USP10: variants seen among roughly 807,000 people sequenced by gnomAD.
The protein encoded by USP10 is ubiquitin specific peptidase 10, also known as ubiquitin carboxyl-terminal hydrolase 10.
A neutral mutation model predicts 84.5 loss-of-function variants in USP10; 22 were observed. The observed-to-expected ratio is 0.26, with a 90% CI of 0.19 to 0.37. USP10 has a LOEUF of 0.37. USP10 is among the 10% of genes least tolerant of loss of function. The pLI is 1.00. For missense variants in USP10, 1,019 were observed against 998.9 expected (o/e 1.02, Z -0.27); for synonymous variants, 454 against 387.6 (o/e 1.17, Z -2.01).
intron 10 of USP10, among the ~76,000 whole-genome samples, chr16:84,765,235 A>T (rs918872268): frequency 4.5e-5 from 6 of 133,356 alleles, no homozygotes; most frequent in Non-Finnish European, 6.2e-5. Flanking sequence ...AGATAAACAT[A>T]TTCCCCATCA....
chr16:84,752,250 C>T (rs1193611315), intron 4 of USP10, among the ~76,000 whole-genome samples: 1 of 152,110 alleles, frequency 6.6e-6, no homozygotes, highest in Non-Finnish European at 1.5e-5. Flanking sequence ...CTGGGGGAGG[C>T]CATCTTCCTA....
intron 4 of USP10, among the ~76,000 whole-genome samples, chr16:84,755,345 T>G (rs986889401): frequency 2.0e-5 from 3 of 151,712 alleles, no homozygotes; most frequent in African/African-American, 7.3e-5. Flanking sequence ...GAAACTTCGC[T>G]GCATCTTCCT....
intron 8 of USP10, among the ~76,000 whole-genome samples, chr16:84,761,091 T>C (rs1263511388): frequency 1.3e-5 from 2 of 152,204 alleles, no homozygotes; most frequent in African/African-American, 4.8e-5. Flanking sequence ...GCTTGGAATT[T>C]GCACTTCCCA....
At chr16:84,729,909 A>T (rs897246278) in intron 1 of USP10, among the ~76,000 whole-genome samples, 4 of 152,150 alleles carry the variant, frequency 2.6e-5, no homozygotes, top group Admixed American at 6.5e-5. Context: ...TTTTTGCGTG[A>T]CATGTTTTCA....
chr16:84,750,378 G>T (rs990410848), intron 4 of USP10, among the ~76,000 whole-genome samples: 1 of 147,020 alleles, frequency 6.8e-6, no homozygotes. Context: ...CTGCACTCCA[G>T]CCTGGGCCAC....
intron 1 of USP10, among the ~76,000 whole-genome samples, chr16:84,720,576 A>ATTGTTTTTTTTTTTTTT (rs1907651815): frequency 1.1e-5 from 1 of 88,340 alleles, no homozygotes; most frequent in Non-Finnish European, 2.0e-5. Flanking sequence ...ATGATGCCCA[A>ATTGTTTTTTTTTTTTTT]TTTTTTTTTT....
rs558787974 is a variant in USP10, at chr16:84,769,964, C to T, written c.1998+1606C>T. ...TGAAGGCTTCCAGAAAGAAGGCGGGCCAGGTGTGGTGGCTCACGCCCTTAG... is the reference window on the plus strand; with the variant it reads ...TGAAGGCTTCCAGAAAGAAGGCGGGTCAGGTGTGGTGGCTCACGCCCTTAG... On this transcript the variant is annotated intron_variant, in intron 11 of 13. Coordinates refer to ENST00000219473, the MANE Select transcript of USP10 (RefSeq NM_005153.3). 1.2e-4 allele frequency among the ~76,000 whole-genome samples: 19 copies of T among 152,236 alleles called. 1 individual carries two copies. The highest frequency in any genetic ancestry group is 4.6e-4 in the African/African-American group (19 of 41,530).
rs1213776346 is a variant in USP10 at position 84,757,396 on chromosome 16, GGTGGGGGTGTGTGTGT to G, written c.1193-1316_1193-1301del. Among the ~76,000 whole-genome samples, 1,274 of 127,418 alleles carry G rather than the reference GGTGGGGGTGTGTGTGT, an allele frequency of 1.0e-2. 11 individuals carry two copies. The highest frequency in any genetic ancestry group is 0.03 in the African/African-American group (942 of 31,918). The allele number at this position is 127,418 out of a possible 152,430, so 83.6% of individuals were successfully genotyped here. A position where few individuals can be genotyped will look rare whatever the true frequency, so the allele number is the denominator to read the frequency against. ...TTCATAGGAAGGAGGGAATGAGAGGGGTGGGGGTGTGTGTGTGTGTGTGTGTGTGTGTGTGTGTGTG... is the reference window on the plus strand; with the variant it reads ...TTCATAGGAAGGAGGGAATGAGAGGGGTGTGTGTGTGTGTGTGTGTGTGTG... On this transcript the variant is annotated intron_variant, in intron 4 of 13. Coordinates refer to ENST00000219473, the MANE Select transcript of USP10 (RefSeq NM_005153.3).
chr16:84,757,300 A>G (rs1272932983), intron 4 of USP10, among the ~76,000 whole-genome samples: 3 of 151,962 alleles, frequency 2.0e-5, no homozygotes, highest in Non-Finnish European at 4.4e-5. Context: ...GTAATATTTT[A>G]CTTTCTACAG....
In USP10 at chr16:84,733,486, C is replaced by A. The variant is rs140147479; in HGVS notation, c.73C>A (p.Pro25Thr). 6.2e-7 allele frequency: 1 copy of A among 1,608,518 alleles called. No individual in the cohort carries two copies. The highest frequency in any genetic ancestry group is 1.7e-5 in the Admixed American group (1 of 59,502). The part of the protein sequence containing the change: ...PDEFNQFFVT[P>T]RSSVELPPYS... ...TGAATTCAATCAATTCTTTGTGACT[C>A]CTCGATCTTCAGTTGAGGTAAGACA... The change falls in exon 2 of 14, where the codon CCT becomes ACT. Residue 25 changes from proline (P) to threonine (T), a missense_variant. Around this residue, in one of 2 missense-constraint regions of USP10, gnomAD observed 787 missense variants for 708.8 expected, o/e 1.11. Transcript: ENST00000219473.
At chr16:84,769,316 C>T (rs1340273078) in intron 11 of USP10, among the ~76,000 whole-genome samples, 2 of 152,126 alleles carry the variant, frequency 1.3e-5, no homozygotes, top group South Asian at 4.1e-4. Context: ...ACCCTTAGCA[C>T]CTTCGGGGTG....
At chr16:84,704,728 G>A in intron 1 of USP10, 3 of 1,505,172 alleles carry the variant, frequency 2.0e-6, no homozygotes, top group South Asian at 2.5e-5. Context: ...CTATTTTCTG[G>A]CTATTTGAAA....
intron 4 of USP10, among the ~76,000 whole-genome samples, chr16:84,754,806 C>G (rs887513207): frequency 1.3e-5 from 2 of 152,138 alleles, no homozygotes; most frequent in Non-Finnish European, 2.9e-5. Context: ...GGTCAAGCCT[C>G]CAGGCCATGC....
At chr16:84,735,484 G>C (rs928575510) in intron 2 of USP10, among the ~76,000 whole-genome samples, 1 of 152,022 alleles carries the variant, frequency 6.6e-6, no homozygotes, top group African/African-American at 2.4e-5. Flanking sequence ...GGAGGGTTTG[G>C]GCACGTTCTT....
At chr16:84,757,397 GTGGGGGT>G (rs1391231859) in intron 4 of USP10, among the ~76,000 whole-genome samples, 7 of 78,644 alleles carry the variant, frequency 8.9e-5, no homozygotes, top group South Asian at 3.9e-4. Flanking sequence ...AATGAGAGGG[GTGGGGGT>G]GTGTGTGTGT....
Position 84,744,773 on chromosome 16 carries a change from A to C in USP10, c.292A>C (p.Lys98Gln), listed in dbSNP as rs1911008291. ...PEFILGCTAS[K>Q]ITPDGITKEA... is the part of the protein sequence containing the mutation. ...ATTTATTCTCGGTTGTACAGCTTCC[A>C]AAATAACCCCTGATGGTATCACTAA... Residue 98 changes from lysine (K) to glutamine (Q), a missense_variant, in exon 4 of 14, where the codon AAA becomes CAA. Coordinates refer to ENST00000219473, the MANE Select transcript of USP10 (RefSeq NM_005153.3). The C allele has an allele frequency of 1.2e-6, 2 of 1,613,780 alleles. No individual in the cohort carries two copies. The highest frequency in any genetic ancestry group is 4.5e-5 in the East Asian group (2 of 44,888).
chr16:84,774,357 G>A (rs1460138480), intron 12 of USP10, among the ~76,000 whole-genome samples: 1 of 152,214 alleles, frequency 6.6e-6, no homozygotes, highest in Non-Finnish European at 1.5e-5. Context: ...TTGTGTCGGT[G>A]TAAGTGGTAC....
intron 1 of USP10, among the ~76,000 whole-genome samples, chr16:84,721,836 T>G (rs1292225442): frequency 6.6e-6 from 1 of 152,238 alleles, no homozygotes; most frequent in Non-Finnish European, 1.5e-5. Flanking sequence ...TAGCTGGGAC[T>G]ACAGGCACAC....
chr16:84,716,003 T>C (rs941629356), intron 1 of USP10, among the ~76,000 whole-genome samples: 1 of 152,144 alleles, frequency 6.6e-6, no homozygotes, highest in Non-Finnish European at 1.5e-5. Flanking sequence ...TCTTGCCCTT[T>C]GGGTCGTCCC....
Sources: allele counts gnomAD v4.1 joint callset (sites outside exome capture counted in the v4.1 genomes callset), GRCh38; gene constraint gnomAD v4.1.1; regional missense constraint gnomAD v4.1.1; transcripts MANE v1.5; gene names NCBI Gene and HGNC (gene_info 2026-07-23, HGNC 2026-07-21).